Variants in DPP6 observed in about 807,000 individuals in gnomAD.
The protein encoded by DPP6 is dipeptidyl peptidase like 6.
A neutral mutation model predicts 122.6 loss-of-function variants in DPP6; 69 were observed. The ratio of observed to expected loss-of-function variants is 0.56; its 90% CI spans 0.46 to 0.69. The LOEUF (loss-of-function observed/expected upper bound fraction) is 0.69, where lower values mean the gene tolerates loss of function less well. Among genes scored for constraint, DPP6 ranks in the 30% least tolerant of loss-of-function variants. The pLI is 0.00. For missense variants in DPP6, 928 were observed against 1,116.9 expected (o/e 0.83, Z 2.41); for synonymous variants, 418 against 433.1 (o/e 0.97, Z 0.43).
chr7:154,590,930 G>A (rs1283303028), intron 5 of DPP6, among the ~76,000 whole-genome samples: 1 of 152,222 alleles, frequency 6.6e-6, no homozygotes. Context: ...GAATGAGATG[G>A]CCACAGTCAG....
the DPP6 span, among the ~76,000 whole-genome samples, chr7:153,815,279 A>T: frequency 6.6e-6 from 1 of 152,216 alleles, no homozygotes; most frequent in African/African-American, 2.4e-5. Context: ...TACAAAATCA[A>T]TGTACAAAAA....
chr7:154,275,912 CA>C (rs1254989875), intron 1 of DPP6, among the ~76,000 whole-genome samples: 1 of 152,234 alleles, frequency 6.6e-6, no homozygotes, highest in East Asian at 1.9e-4. Context: ...CCTCCGGCTC[CA>C]AATCAAATAG....
intron 1 of DPP6, among the ~76,000 whole-genome samples, chr7:154,263,836 G>A (rs955457403): frequency 1.3e-5 from 2 of 152,064 alleles, no homozygotes; most frequent in Non-Finnish European, 2.9e-5. Context: ...GATTACAGGT[G>A]CCCACTACCA....
intron 6 of DPP6, among the ~76,000 whole-genome samples, chr7:154,645,229 C>G (rs1165680724): frequency 6.6e-6 from 1 of 151,798 alleles, no homozygotes; most frequent in Non-Finnish European, 1.5e-5. Context: ...CCACGCCCGG[C>G]TAATTTTTTG....
intron 5 of DPP6, among the ~76,000 whole-genome samples, chr7:154,634,553 G>C (rs1461618740): frequency 1.3e-5 from 2 of 151,966 alleles, no homozygotes; most frequent in East Asian, 3.9e-4. Flanking sequence ...CATACATTTT[G>C]GTTTTGATTT....
At chr7:154,475,591 T>A (rs1298477668) in intron 3 of DPP6, 1 of 157,260 alleles carries the variant, frequency 6.4e-6, no homozygotes, top group Non-Finnish European at 1.4e-5. Flanking sequence ...ATGGGGGATT[T>A]TTTTTTTAAA....
chr7:154,251,009 A>G (rs1802316895), intron 1 of DPP6, among the ~76,000 whole-genome samples: 2 of 152,228 alleles, frequency 1.3e-5, no homozygotes, highest in South Asian at 4.1e-4. Context: ...AAATTATGGT[A>G]CCTGTCTGAG....
intron 1 of DPP6, among the ~76,000 whole-genome samples, chr7:154,263,247 C>T (rs1803154338): frequency 6.6e-6 from 1 of 152,202 alleles, no homozygotes; most frequent in Admixed American, 6.5e-5. Context: ...TGTGACATAG[C>T]TTAGTCTCCT....
chr7:154,351,038 G>A (rs1810809364), intron 1 of DPP6, among the ~76,000 whole-genome samples: 1 of 152,162 alleles, frequency 6.6e-6, no homozygotes, highest in Non-Finnish European at 1.5e-5. Flanking sequence ...GAAAATTTGA[G>A]GTTTCTTAAC....
At chr7:154,376,528 G>T (rs1366280962) in intron 1 of DPP6, among the ~76,000 whole-genome samples, 4 of 152,146 alleles carry the variant, frequency 2.6e-5, no homozygotes, top group African/African-American at 9.7e-5. Flanking sequence ...AAATCTAGAA[G>T]CTCTGCTAAA....
At chr7:154,098,220 C>T (rs1805471988) in intron 1 of DPP6, among the ~76,000 whole-genome samples, 1 of 152,142 alleles carries the variant, frequency 6.6e-6, no homozygotes, top group South Asian at 2.1e-4. Flanking sequence ...TTATAAGGGG[C>T]TTTTCCCCTT....
Position 153,976,748 on chromosome 7 carries a change from G to A in DPP6, c.51+89014G>A, listed in dbSNP as rs546607818. Among the ~76,000 whole-genome samples, 4 of 152,320 alleles carry A rather than the reference G, an allele frequency of 2.6e-5. No homozygotes were observed. The East Asian group carries it at 7.7e-4, about 29-fold the overall frequency. Reference sequence around the variant, plus strand: ...TTAAGGAACATCTGACATAAAAGGAGGGAGTGTAATTCATCAAGAGGATGC... The same window carrying A: ...TTAAGGAACATCTGACATAAAAGGAAGGAGTGTAATTCATCAAGAGGATGC... On this transcript the variant is annotated intron_variant, in intron 1 of 25. Coordinates refer to the DPP6 transcript ENST00000404039.
chr7:153,989,540 C>T (rs550565526), intron 1 of DPP6, among the ~76,000 whole-genome samples: 334 of 149,430 alleles, frequency 2.2e-3, no homozygotes, highest in African/African-American at 6.8e-3. Flanking sequence ...TGCCAGAAGC[C>T]GGACTCCAGC....
At chr7:154,060,658 G>C (rs550252112) in intron 1 of DPP6, among the ~76,000 whole-genome samples, 234 of 143,990 alleles carry the variant, frequency 1.6e-3, no homozygotes, top group Middle Eastern at 4.0e-3. Flanking sequence ...CCCCCCACGA[G>C]AGTGGCGACT....
intron 7 of DPP6, among the ~76,000 whole-genome samples, chr7:154,676,691 T>G (rs1444855938): frequency 5.9e-5 from 9 of 152,154 alleles, no homozygotes; most frequent in African/African-American, 2.2e-4. Context: ...AGAGACCGGA[T>G]GGAGTGCAGG....
At chr7:154,622,652 G>A (rs1047431087) in intron 5 of DPP6, among the ~76,000 whole-genome samples, 6 of 152,164 alleles carry the variant, frequency 3.9e-5, no homozygotes, top group East Asian at 3.9e-4. Context: ...GTAGATACAC[G>A]TGGATACCAT....
At chr7:154,364,745 G>A (rs1812012171) in intron 1 of DPP6, among the ~76,000 whole-genome samples, 1 of 152,154 alleles carries the variant, frequency 6.6e-6, no homozygotes, top group South Asian at 2.1e-4. Flanking sequence ...TTCCCTGATG[G>A]GAGTAATCAT....
At chr7:153,965,182 TAATATTTATTTTCTGA>T (rs1795632636) in intron 1 of DPP6, among the ~76,000 whole-genome samples, 1 of 152,002 alleles carries the variant, frequency 6.6e-6, no homozygotes, top group Non-Finnish European at 1.5e-5. Context: ...GTGTATCTCA[TAATATTTATTTTCTGA>T]AATAATCGAG....
intron 9 of DPP6, 112 bp downstream of exon 9, chr7:154,769,683 T>C (rs758018751): frequency 2.3e-6 from 3 of 1,323,756 alleles, no homozygotes; most frequent in Admixed American, 3.3e-5. Flanking sequence ...GCAAAGCAGT[T>C]AACACAAGAA....
Sources: gnomAD v4.1 joint callset for allele counts (sites outside exome capture counted in the v4.1 genomes callset) on GRCh38, gnomAD v4.1.1 for gene constraint, MANE v1.5 for transcripts, NCBI Gene and HGNC (gene_info 2026-07-23, HGNC 2026-07-21) for gene names.